The following RPH3AL variants were observed in gnomAD, a reference collection of about 807,000 sequenced individuals.
RPH3AL encodes the protein rab effector Noc2.
A neutral mutation model predicts 43.1 loss-of-function variants in RPH3AL; 38 were observed. The ratio of observed to expected loss-of-function variants is 0.88; its 90% CI spans 0.68 to 1.15. The LOEUF (loss-of-function observed/expected upper bound fraction) is 1.15, where lower values mean the gene tolerates loss of function less well. Among genes scored for constraint, RPH3AL ranks in the 50% most tolerant of loss-of-function variants. RPH3AL has a pLI of 0.00. For synonymous variants in RPH3AL, 189 were observed against 176.3 expected, an observed-to-expected ratio of 1.07 and a Z score of -0.57; for missense variants, 462 against 423.2, an observed-to-expected ratio of 1.09 and a Z score of -0.81.
chr17:315,653 G>A (rs1598098214), intron 5 of RPH3AL, among the ~76,000 whole-genome samples: 39 of 145,856 alleles, frequency 2.7e-4, no homozygotes, highest in East Asian at 4.1e-4. Context: ...TAGTCCCTGT[G>A]CTCCACCTCC....
intron 7 of RPH3AL, among the ~76,000 whole-genome samples, chr17:244,593 G>A (rs1272017923): frequency 2.6e-5 from 4 of 152,130 alleles, no homozygotes; most frequent in Admixed American, 1.3e-4. Context: ...CGGAGGCAGG[G>A]TCCCAGGAGG....
chr17:262,484 G>C (rs2042224008), intron 6 of RPH3AL, among the ~76,000 whole-genome samples: 3 of 152,102 alleles, frequency 2.0e-5, no homozygotes, highest in Admixed American at 6.5e-5. Flanking sequence ...AAAGTGCTGG[G>C]ATTACAGGCG....
chr17:267,210 A>T (rs2042345133), intron 6 of RPH3AL, among the ~76,000 whole-genome samples: 1 of 152,210 alleles, frequency 6.6e-6, no homozygotes, highest in Admixed American at 6.5e-5. Context: ...TGCTGCTCTT[A>T]ATGACTTGTG....
chr17:343,761 A>G (rs1019823868), intron 1 of RPH3AL, among the ~76,000 whole-genome samples: 2 of 152,172 alleles, frequency 1.3e-5, no homozygotes, highest in African/African-American at 4.8e-5. Flanking sequence ...GAATGCTGCT[A>G]AACATCCCTG....
chr17:316,815 A>G (rs2044239793), intron 5 of RPH3AL, among the ~76,000 whole-genome samples: 1 of 108,718 alleles, frequency 9.2e-6, no homozygotes, highest in Admixed American at 1.0e-4. Flanking sequence ...CTGTGCCCCC[A>G]CCTCCATTGA....
rs76755668 is a variant in RPH3AL, at chr17:292,734, A to G, written c.352-10880T>C. ...GGATCCCTGGGCCCTCTCCTCTTCC[A>G]GAACGACAGATGAGGTCAAGCTTCA... is the stretch of plus-strand genomic sequence containing the variant. On this transcript the variant is annotated intron_variant, in intron 5 of 9. Transcript: ENST00000331302. Among the ~76,000 whole-genome samples, 3 of 152,286 alleles carry G rather than the reference A, an allele frequency of 2.0e-5. No individual in the cohort carries two copies. The East Asian group carries it at 5.8e-4, about 30-fold the overall frequency.
In RPH3AL at chr17:235,501, A is replaced by C. The variant is rs374340064; in HGVS notation, c.613+11610T>G. Among the ~76,000 whole-genome samples, 562 of 89,858 alleles carry C rather than the reference A, an allele frequency of 6.3e-3. 49 individuals are homozygous for C. Among genetic ancestry groups the C allele is most frequent in the Middle Eastern group, 0.011 (1 of 94 alleles). 59.0% of individuals were successfully genotyped at this position (89,858 alleles called of 152,430 possible). A position where few individuals can be genotyped will look rare whatever the true frequency, so the allele number is the denominator to read the frequency against. On this transcript the variant is annotated intron_variant, in intron 7 of 9. Transcript: ENST00000331302. ...GGCTCTGCACTAACAAGACGGATCCAGGGTTCAAAGCTGGGGTCGGCGGAG... is the reference window on the plus strand; with the variant it reads ...GGCTCTGCACTAACAAGACGGATCCCGGGTTCAAAGCTGGGGTCGGCGGAG...
chr17:229,631 C>G (rs763099396), intron 7 of RPH3AL, among the ~76,000 whole-genome samples: 1 of 152,154 alleles, frequency 6.6e-6, no homozygotes, highest in African/African-American at 2.4e-5. Context: ...TGCTTGGTGG[C>G]CTCAGCCTGG....
rs73971741 is a variant in RPH3AL, at chr17:323,723, C to T, written c.78-2308G>A. On this transcript the variant is annotated intron_variant, in intron 3 of 9. Transcript: ENST00000331302. This position sits in a 1 kb window ranked among gnomAD's most constrained non-coding sequence, Gnocchi z 4.4. ...CCTGTCCTGATGGACACGGGTCCCA[C>T]GAGCTTGTTCTGGGGCTGGTGATGG... Among the ~76,000 whole-genome samples the T allele has an allele frequency of 9.8e-5, 15 of 152,318 alleles. No individual in the cohort carries two copies. The East Asian group carries it at 2.9e-3, about 29-fold the overall frequency.
At chr17:227,671 A>G (rs1277755454) in intron 7 of RPH3AL, among the ~76,000 whole-genome samples, 1 of 152,030 alleles carries the variant, frequency 6.6e-6, no homozygotes, top group Admixed American at 6.6e-5. Flanking sequence ...GGGTGGGGAG[A>G]TGCTCCCACT....
rs546598493 is a variant in RPH3AL at position 303,405 on chromosome 17, G to GA, written c.351+16014dup. The stretch of plus-strand genomic sequence containing the variant: ...GACCCTGTCTCAAAAAAACAATCAC[G>GA]AAAAAAAAAAAGATTTAACAACTTT... On this transcript the variant is annotated intron_variant, in intron 5 of 9. Coordinates refer to ENST00000331302, the MANE Select transcript of RPH3AL (RefSeq NM_006987.4). Among the ~76,000 whole-genome samples the GA allele has an allele frequency of 7.2e-4, 105 of 144,974 alleles. 2 individuals carry two copies. The South Asian group carries it at 0.014, about 19-fold the overall frequency.
intron 6 of RPH3AL, among the ~76,000 whole-genome samples, chr17:265,647 A>G (rs2042302935): frequency 6.6e-6 from 1 of 151,984 alleles, no homozygotes; most frequent in South Asian, 2.1e-4. Flanking sequence ...GTTTAGAATA[A>G]CTCTTTCCTC....
intron 6 of RPH3AL, among the ~76,000 whole-genome samples, 179 bp downstream of exon 6, chr17:281,589 G>A (rs1413060865): frequency 2.0e-5 from 3 of 151,920 alleles, no homozygotes; most frequent in African/African-American, 7.3e-5. Context: ...TCCGCCGAGT[G>A]GTCAGTTCTT....
chr17:221,325 C>T (rs2040966503), intron 7 of RPH3AL, among the ~76,000 whole-genome samples: 1 of 135,884 alleles, frequency 7.4e-6, no homozygotes, highest in Non-Finnish European at 1.6e-5. Context: ...TCTGAGGCCT[C>T]CACTCGGTGA....
At chr17:253,180 C>T (rs7217222) in intron 6 of RPH3AL, among the ~76,000 whole-genome samples, 17,087 of 152,158 alleles carry the variant, frequency 0.11, 1,242 homozygotes, top group Non-Finnish European at 0.15. Context: ...GGGCGTGGGG[C>T]GAACAATGGA....
rs542268703 is a variant in RPH3AL at position 289,968 on chromosome 17, C to G, written c.352-8114G>C. Among the ~76,000 whole-genome samples, 7 of 152,358 alleles carry G rather than the reference C, an allele frequency of 4.6e-5. No individual in the cohort carries two copies. The East Asian group carries it at 1.3e-3, about 29-fold the overall frequency. ...GGCTGCAGGGCTCCTGTGACTTCCC[C>G]TGCTGGGCCGTCATCTTCCCAAGGG... On this transcript the variant is annotated intron_variant, in intron 5 of 9. Transcript: ENST00000331302. This position sits in a 1 kb window ranked among gnomAD's most constrained non-coding sequence, Gnocchi z 5.2.
rs1380217045 is a variant in RPH3AL at position 283,712 on chromosome 17, G to C, written c.352-1858C>G. Among the ~76,000 whole-genome samples, 1 of 152,100 alleles carries C rather than the reference G, an allele frequency of 6.6e-6. No individual in the cohort carries two copies. The highest frequency in any genetic ancestry group is 1.5e-5 in the Non-Finnish European group (1 of 68,014). On this transcript the variant is annotated intron_variant, in intron 5 of 9. Coordinates refer to ENST00000331302, the MANE Select transcript of RPH3AL (RefSeq NM_006987.4). This position sits in a 1 kb window ranked among gnomAD's most constrained non-coding sequence, Gnocchi z 4.2. ...CATATCTGTGCCAGTCCTGGGTTTG[G>C]GATCATTGCTAGGCTGGGCTTCAGC...
chr17:321,206 A>C (rs1304025921), intron 4 of RPH3AL, 66 bp downstream of exon 4: 1 of 1,548,296 alleles, frequency 6.5e-7, no homozygotes, highest in Non-Finnish European at 8.7e-7. Flanking sequence ...CCGGCCTCCC[A>C]GTCCCCTGCG....
intron 5 of RPH3AL, among the ~76,000 whole-genome samples, chr17:304,175 G>A (rs540383993): frequency 5.1e-5 from 7 of 138,054 alleles, no homozygotes; most frequent in African/African-American, 1.1e-4. Flanking sequence ...GGCAGGGAGG[G>A]AGGCTGTACT....
Sources: allele counts gnomAD v4.1 joint callset (sites outside exome capture counted in the v4.1 genomes callset), GRCh38; gene constraint gnomAD v4.1.1; non-coding constraint Gnocchi (gnomAD v3.1); transcripts MANE v1.5; gene names NCBI Gene and HGNC (gene_info 2026-07-23, HGNC 2026-07-21).